EGFLAM: variants seen among roughly 807,000 people sequenced by gnomAD.
EGFLAM encodes the protein pikachurin.
A neutral mutation model predicts 113.1 loss-of-function variants in EGFLAM; 79 were observed. That is an observed-to-expected ratio of 0.70 (90% confidence interval 0.58 to 0.84). The LOEUF is 0.84. Ranked by LOEUF, EGFLAM falls within the 40% of genes least tolerant of loss-of-function variation. The pLI is 0.00. For synonymous variants in EGFLAM, 504 were observed against 487.6 expected (o/e 1.03, Z -0.44); for missense variants, 1,265 against 1,291.6 (o/e 0.98, Z 0.32).
At chr5:38,362,789 A>C (rs543922715) in intron 5 of EGFLAM, among the ~76,000 whole-genome samples, 1 of 152,316 alleles carries the variant, frequency 6.6e-6, no homozygotes, top group South Asian at 2.1e-4. Context: ...GCCCTAATGG[A>C]AGGGCTACTC....
At chr5:38,271,604 A>T (rs1160941865) in intron 1 of EGFLAM, among the ~76,000 whole-genome samples, 1 of 152,072 alleles carries the variant, frequency 6.6e-6, no homozygotes, top group Admixed American at 6.5e-5. Flanking sequence ...TGTTGATCTG[A>T]CCCCTTGGAA....
chr5:38,319,044 G>T (rs1453044019), intron 1 of EGFLAM, among the ~76,000 whole-genome samples: 3 of 152,168 alleles, frequency 2.0e-5, no homozygotes, highest in African/African-American at 7.2e-5. Context: ...AGGCTCATGA[G>T]ATGGTGAGAA....
At chr5:38,352,397 C>T in intron 5 of EGFLAM, 66 bp downstream of exon 5, 7 of 1,586,996 alleles carry the variant, frequency 4.4e-6, no homozygotes, top group Non-Finnish European at 5.2e-6. Flanking sequence ...ACCTGTAATC[C>T]CAGCACTTTG....
Position 38,451,451 on chromosome 5 carries a change from G to C in EGFLAM, c.2680G>C (p.Val894Leu). ...CTTGGGCCTTCGGGATGGAGCCCTC[G>C]TGTTCAGGTAACCCCCTCTCCATCT... is the stretch of plus-strand genomic sequence containing the variant. ...ISLGLRDGAL[V>L]FSYNLGSGVA... Residue 894 changes from valine to leucine, a missense_variant, in exon 19 of 22, where the codon GTG becomes CTG. Transcript: ENST00000322350. 6.2e-7 allele frequency: 1 copy of C among 1,614,008 alleles called. No homozygotes were observed. Among genetic ancestry groups the C allele is most frequent in the South Asian group, 1.1e-5 (1 of 91,050 alleles).
intron 6 of EGFLAM, chr5:38,402,189 C>T (rs1170482706): frequency 6.6e-6 from 1 of 152,048 alleles, no homozygotes; most frequent in African/African-American, 2.4e-5. Flanking sequence ...AACTGGCAGG[C>T]CAGTTTGGCT....
At chr5:38,401,368 C>T (rs906279701) in intron 6 of EGFLAM, 1 of 152,200 alleles carries the variant, frequency 6.6e-6, no homozygotes, top group African/African-American at 2.4e-5. Flanking sequence ...GGACATTGAA[C>T]TAGAGTCATA....
chr5:38,289,347 G>T (rs1045183055), intron 1 of EGFLAM, among the ~76,000 whole-genome samples: 3 of 150,688 alleles, frequency 2.0e-5, no homozygotes, highest in Non-Finnish European at 4.4e-5. Context: ...CTCCTAACTA[G>T]CTTACTTTCA....
intron 1 of EGFLAM, among the ~76,000 whole-genome samples, chr5:38,265,137 G>A (rs1757602186): frequency 6.6e-6 from 1 of 152,184 alleles, no homozygotes; most frequent in South Asian, 2.1e-4. Flanking sequence ...GGCCAGAAAG[G>A]AGCTGAGTGG....
Position 38,370,497 on chromosome 5 carries a change from G to A in EGFLAM, c.712+35G>A, listed in dbSNP as rs995605010. On this transcript the variant is annotated intron_variant, in intron 6 of 21. Coordinates refer to ENST00000322350, the MANE Select transcript of EGFLAM (RefSeq NM_152403.4). Reference sequence around the variant, plus strand: ...AGGGTCCTTCTGAGGGACCAAGGGAGCTGCATATCTGGGCTTGCCTCATGA... The same window carrying A: ...AGGGTCCTTCTGAGGGACCAAGGGAACTGCATATCTGGGCTTGCCTCATGA... 1.9e-6 allele frequency: 3 copies of A among 1,600,274 alleles called. No homozygotes were observed. In the Admixed American group the frequency reaches 5.1e-5, roughly 27 times the overall value.
chr5:38,451,564 T>C lies in EGFLAM; in HGVS notation c.2687+106T>C, dbSNP rs1204261349. The C allele has an allele frequency of 5.1e-5, 75 of 1,475,690 alleles. No homozygotes were observed. In the South Asian group the frequency reaches 6.3e-4, roughly 12 times the overall value. The allele number at this position is 1,475,690 out of a possible 1,614,324, so 91.4% of individuals were successfully genotyped here. A position where few individuals can be genotyped will look rare whatever the true frequency, so the allele number is the denominator to read the frequency against. Reference sequence around the variant, plus strand: ...GGAGCCAGAACACAGTCTGCTGGAATTGGCTGAAGCCTGAAGCTTCAAGGC... The same window carrying C: ...GGAGCCAGAACACAGTCTGCTGGAACTGGCTGAAGCCTGAAGCTTCAAGGC... On this transcript the variant is annotated intron_variant, in intron 19 of 21. Transcript: ENST00000322350.
Position 38,418,275 on chromosome 5 carries a change from G to T in EGFLAM, c.1684+20G>T, listed in dbSNP as rs1404741007. 6.2e-7 allele frequency: 1 copy of T among 1,613,112 alleles called. No individual in the cohort carries two copies. The highest frequency in any genetic ancestry group is 8.5e-7 in the Non-Finnish European group (1 of 1,179,460). On this transcript the variant is annotated intron_variant, in intron 12 of 21. Transcript: ENST00000322350. ...ATGTGGGTAAGTGGCTGCCTGGTGG[G>T]TTGGGGTACTCTTATGGGACTTATG...
intron 6 of EGFLAM, among the ~76,000 whole-genome samples, chr5:38,381,503 A>C (rs1477549319): frequency 6.6e-6 from 1 of 152,228 alleles, no homozygotes; most frequent in African/African-American, 2.4e-5. Flanking sequence ...GGATCTCAGT[A>C]GTCATCAGGC....
intron 1 of EGFLAM, among the ~76,000 whole-genome samples, chr5:38,335,298 A>T (rs904037278): frequency 3.9e-5 from 6 of 152,244 alleles, no homozygotes; most frequent in Non-Finnish European, 1.5e-5. Flanking sequence ...TCTTTTCAGC[A>T]TTATTTTTAC....
intron 11 of EGFLAM, among the ~76,000 whole-genome samples, chr5:38,417,355 A>AAAAC (rs1561080090): frequency 1.4e-5 from 2 of 145,064 alleles, no homozygotes; most frequent in Non-Finnish European, 1.5e-5. Flanking sequence ...CTCAAAAAAA[A>AAAAC]AAAAAAAAAA....
At chr5:38,396,938 C>T (rs1285369327) in intron 6 of EGFLAM, among the ~76,000 whole-genome samples, 11 of 152,096 alleles carry the variant, frequency 7.2e-5, no homozygotes, top group African/African-American at 1.4e-4. Context: ...AGGGAGACTC[C>T]GAGAGAGAAA....
chr5:38,370,987 T>C (rs777414058), intron 6 of EGFLAM, among the ~76,000 whole-genome samples: 2 of 152,212 alleles, frequency 1.3e-5, no homozygotes, highest in African/African-American at 2.4e-5. Context: ...TAGGAACACT[T>C]GGGCCAGTGT....
At chr5:38,390,925 G>T (rs374810271) in intron 6 of EGFLAM, among the ~76,000 whole-genome samples, 8 of 152,052 alleles carry the variant, frequency 5.3e-5, no homozygotes, top group African/African-American at 1.9e-4. Flanking sequence ...TGTGTTGCAG[G>T]TATCTCCTGT....
At chr5:38,294,028 A>T (rs2111803064) in intron 1 of EGFLAM, among the ~76,000 whole-genome samples, 1 of 152,196 alleles carries the variant, frequency 6.6e-6, no homozygotes, top group Non-Finnish European at 1.5e-5. Context: ...CCACACCAAA[A>T]CTCAATGATT....
At chr5:38,441,791 C>T (rs1278534986) in intron 17 of EGFLAM, among the ~76,000 whole-genome samples, 1 of 152,158 alleles carries the variant, frequency 6.6e-6, no homozygotes, top group Non-Finnish European at 1.5e-5. Flanking sequence ...TGGGTTCTCC[C>T]AGTCTATAGT....
Sources: allele counts gnomAD v4.1 joint callset (sites outside exome capture counted in the v4.1 genomes callset), GRCh38; gene constraint gnomAD v4.1.1; transcripts MANE v1.5; gene names NCBI Gene and HGNC (gene_info 2026-07-23, HGNC 2026-07-21).